Variants in TXNDC16 observed in about 807,000 individuals in gnomAD.
TXNDC16 encodes thioredoxin domain-containing protein 16.
TXNDC16 carries 74 observed loss-of-function variants against 85.6 expected under a neutral mutation model. The observed-to-expected ratio is 0.86, with a 90% CI of 0.72 to 1.05. TXNDC16 has a LOEUF of 1.05. Among genes scored for constraint, TXNDC16 ranks in the 50% least tolerant of loss-of-function variants. The probability of loss-of-function intolerance (pLI) is 0.00; values close to 1 mark genes in which losing one functional copy is unlikely to be tolerated. For synonymous variants in TXNDC16, 335 were observed against 326.5 expected, an observed-to-expected ratio of 1.03 and a Z score of -0.28; for missense variants, 959 against 947.0, an observed-to-expected ratio of 1.01 and a Z score of -0.17.
Position 52,482,217 on chromosome 14 carries a change from CA to C in TXNDC16, c.1312+12del. On this transcript the variant is annotated intron_variant, in intron 14 of 20. Coordinates refer to ENST00000281741, the MANE Select transcript of TXNDC16 (RefSeq NM_020784.3). ...GAATCAGAATAATAAGCATGCATAG[CA>C]CAGTACACTACCTTTCAGTTTAACT... The C allele has an allele frequency of 6.2e-7, 1 of 1,608,194 alleles. No individual in the cohort carries two copies. Among genetic ancestry groups the C allele is most frequent in the Non-Finnish European group, 8.5e-7 (1 of 1,176,530 alleles).
intron 6 of TXNDC16, among the ~76,000 whole-genome samples, chr14:52,528,923 TTATA>T (rs919265429): frequency 8.8e-5 from 13 of 147,492 alleles, no homozygotes; most frequent in South Asian, 4.2e-4. Flanking sequence ...ATAATACCTA[TTATA>T]TATTGTCTAT....
In TXNDC16 at chr14:52,463,618, A is replaced by G. The variant is rs7494099; in HGVS notation, c.1618+6419T>C. 9.8e-5 allele frequency among the ~76,000 whole-genome samples: 15 copies of G among 152,304 alleles called. No homozygotes were observed. The South Asian group carries it at 2.1e-3, about 21-fold the overall frequency. ...ATTTGTCTTATTTGAACAGGATTTGAACAGTTGGCCACCTTTGATTGACCA... is the reference window on the plus strand; with the variant it reads ...ATTTGTCTTATTTGAACAGGATTTGGACAGTTGGCCACCTTTGATTGACCA... On this transcript the variant is annotated intron_variant, in intron 16 of 20. Transcript: ENST00000281741.
At chr14:52,529,075 C>A (rs536019629) in intron 6 of TXNDC16, among the ~76,000 whole-genome samples, 1 of 149,896 alleles carries the variant, frequency 6.7e-6, no homozygotes, top group Admixed American at 6.7e-5. Flanking sequence ...TTGTAACCAA[C>A]CCAAACGTCC....
At chr14:52,435,986 A>C (rs2140098285) in intron 20 of TXNDC16, among the ~76,000 whole-genome samples, 1 of 152,242 alleles carries the variant, frequency 6.6e-6, no homozygotes, top group East Asian at 1.9e-4. Flanking sequence ...CTCAAAAAAA[A>C]TAACAAAATG....
At chr14:52,461,462 TTTA>T (rs1298314658) in intron 16 of TXNDC16, among the ~76,000 whole-genome samples, 1 of 152,166 alleles carries the variant, frequency 6.6e-6, no homozygotes, top group Non-Finnish European at 1.5e-5. Context: ...ACTCAGACAT[TTTA>T]TTATTATTTA....
At chr14:52,455,550 G>A (rs2035513770) in intron 17 of TXNDC16, 88 bp from the exon 18 acceptor site, 2 of 1,479,302 alleles carry the variant, frequency 1.4e-6, no homozygotes, top group East Asian at 4.6e-5. Flanking sequence ...ACAGTGTGAG[G>A]CAGCAAATGG....
intron 4 of TXNDC16, 63 bp downstream of exon 4, chr14:52,542,308 C>G (rs1334585101): frequency 1.8e-6 from 2 of 1,087,980 alleles, no homozygotes; most frequent in Non-Finnish European, 2.7e-6. Flanking sequence ...GATATTCAAT[C>G]TTAAGCCATA....
Position 52,488,489 on chromosome 14 carries a change from A to G in TXNDC16, c.985-3T>C, listed in dbSNP as rs2036321768. 1.3e-6 allele frequency: 2 copies of G among 1,583,738 alleles called. No homozygotes were observed. Among genetic ancestry groups the G allele is most frequent in the Admixed American group, 3.5e-5 (2 of 57,378 alleles). Reference sequence around the variant, plus strand: ...ACCAAAAATTCCACTGGAACTCCCTAGAAATACATTAATTTTTAAAAAATG... The same window carrying G: ...ACCAAAAATTCCACTGGAACTCCCTGGAAATACATTAATTTTTAAAAAATG... On this transcript the variant is annotated splice_region_variant and splice_polypyrimidine_tract_variant and intron_variant, in intron 11 of 20. Transcript: ENST00000281741.
At chr14:52,461,891 A>G (rs561199258) in intron 16 of TXNDC16, among the ~76,000 whole-genome samples, 3 of 152,386 alleles carry the variant, frequency 2.0e-5, no homozygotes, top group African/African-American at 7.2e-5. Flanking sequence ...TTTAGCCCAC[A>G]GACAAATCAA....
intron 18 of TXNDC16, among the ~76,000 whole-genome samples, chr14:52,445,748 G>C (rs888979894): frequency 1.3e-5 from 2 of 152,182 alleles, no homozygotes; most frequent in East Asian, 1.9e-4. Flanking sequence ...ATTTAGTAAA[G>C]TAACATGCTG....
chr14:52,518,381 C>A (rs2037134005), intron 7 of TXNDC16, among the ~76,000 whole-genome samples: 1 of 151,972 alleles, frequency 6.6e-6, no homozygotes, highest in Non-Finnish European at 1.5e-5. Flanking sequence ...ATTCCAAGAG[C>A]TTCCTCTCCA....
chr14:52,496,419 T>TC (rs1491231423), intron 9 of TXNDC16, among the ~76,000 whole-genome samples: 2 of 55,614 alleles, frequency 3.6e-5, no homozygotes, highest in African/African-American at 1.8e-4. Flanking sequence ...CCAACTCGTC[T>TC]TTTTTTTTTT....
At chr14:52,483,347 T>G (rs112939768) in intron 12 of TXNDC16, among the ~76,000 whole-genome samples, 1,843 of 152,264 alleles carry the variant, frequency 0.012, 36 homozygotes, top group African/African-American at 0.041. Context: ...TCAGATAAAC[T>G]GATCACTGAA....
intron 9 of TXNDC16, among the ~76,000 whole-genome samples, chr14:52,497,582 A>G (rs2036560550): frequency 6.6e-6 from 1 of 152,194 alleles, no homozygotes; most frequent in Non-Finnish European, 1.5e-5. Context: ...AATCCTCAAC[A>G]AAAACTACCA....
At chr14:52,515,182 G>C (rs2037052691) in intron 7 of TXNDC16, among the ~76,000 whole-genome samples, 1 of 152,152 alleles carries the variant, frequency 6.6e-6, no homozygotes, top group African/African-American at 2.4e-5. Flanking sequence ...AATTCAGAGG[G>C]AGTAGAAAAT....
In TXNDC16 at chr14:52,511,291, C is replaced by T. The variant is rs1447931552; in HGVS notation, c.705G>A (p.Leu235=). 1.2e-6 allele frequency: 2 copies of T among 1,605,920 alleles called. No individual in the cohort carries two copies. The highest frequency in any genetic ancestry group is 2.7e-5 in the African/African-American group (2 of 74,792). ...TAAACAGGTGAATGTTCAGTGTAGT[C>T]AATGGCTGTTCCATTAGTGTTCTTC... ...QCRRTLMEQP[L]TTLNIHLFIK... is the part of the protein sequence containing the mutation. The change falls in exon 9 of 21, where the codon TTG becomes TTA. Residue 235 remains leucine (L), a synonymous_variant. Coordinates refer to ENST00000281741, the MANE Select transcript of TXNDC16 (RefSeq NM_020784.3).
rs1465822167 is a variant in TXNDC16 at position 52,519,257 on chromosome 14, G to A, written c.429C>T (p.Asn143=). The change falls in exon 7 of 21, where the codon AAC becomes AAT. Residue 143 remains asparagine, a synonymous_variant. Coordinates refer to ENST00000281741, the MANE Select transcript of TXNDC16 (RefSeq NM_020784.3). Reference sequence around the variant, plus strand: ...TTTCTATGTTCTGAAGGTCTTCCAGGTTGGTAATATATTTCACTTCACTAA... The same window carrying A: ...TTTCTATGTTCTGAAGGTCTTCCAGATTGGTAATATATTTCACTTCACTAA... The part of the protein sequence containing the change: ...LLFSEVKYIT[N]LEDLQNIENA... 8 of 1,604,752 alleles carry A rather than the reference G, an allele frequency of 5.0e-6. No homozygotes were observed. Among genetic ancestry groups the A allele is most frequent in the South Asian group, 1.1e-5 (1 of 90,564 alleles).
chr14:52,432,251 ATAAAT>A lies in TXNDC16; in HGVS notation c.*48_*52del, dbSNP rs2034916026. On this transcript the variant is annotated 3_prime_UTR_variant, in exon 21 of 21. Coordinates refer to ENST00000281741, the MANE Select transcript of TXNDC16 (RefSeq NM_020784.3). The stretch of plus-strand genomic sequence containing the variant: ...TGATTTAATATTATTCTTTAAGGAA[ATAAAT>A]TAAGTCTATCATGCCAAAAAAATTT... 11 of 1,470,208 alleles carry A rather than the reference ATAAAT, an allele frequency of 7.5e-6. No homozygotes were observed. Among genetic ancestry groups the A allele is most frequent in the East Asian group, 2.3e-5 (1 of 43,474 alleles). 91.1% of individuals were successfully genotyped at this position (1,470,208 alleles called of 1,614,324 possible). A position where few individuals can be genotyped will look rare whatever the true frequency, so the allele number is the denominator to read the frequency against.
At chr14:52,528,954 AT>A (rs2037406916) in intron 6 of TXNDC16, among the ~76,000 whole-genome samples, 1 of 147,584 alleles carries the variant, frequency 6.8e-6, no homozygotes, top group Non-Finnish European at 1.5e-5. Flanking sequence ...TATTCTATAT[AT>A]TATCTATATA....
Sources: allele counts gnomAD v4.1 joint callset (sites outside exome capture counted in the v4.1 genomes callset), GRCh38; gene constraint gnomAD v4.1.1; transcripts MANE v1.5; gene names NCBI Gene and HGNC (gene_info 2026-07-23, HGNC 2026-07-21).